The following ARHGEF28 variants were observed in gnomAD, a reference collection of about 807,000 sequenced individuals.
ARHGEF28 encodes the protein 190 kDa guanine nucleotide exchange factor.
Under a neutral mutation model 206.6 loss-of-function variants are expected in ARHGEF28, and 152 were observed. The ratio of observed to expected loss-of-function variants is 0.74; its 90% CI spans 0.64 to 0.84. The LOEUF is 0.84. Ranked by LOEUF, ARHGEF28 falls within the 40% of genes least tolerant of loss-of-function variation. The probability of loss-of-function intolerance (pLI) is 0.00; values close to 1 mark genes in which losing one functional copy is unlikely to be tolerated. For missense variants in ARHGEF28, 2,028 were observed against 2,073.2 expected (o/e 0.98, Z 0.42); for synonymous variants, 763 against 776.4 (o/e 0.98, Z 0.29).
At chr5:73,888,215 A>T (rs1031838522) in intron 26 of ARHGEF28, among the ~76,000 whole-genome samples, 4 of 152,244 alleles carry the variant, frequency 2.6e-5, no homozygotes, top group African/African-American at 9.6e-5. Flanking sequence ...TACCATCCTG[A>T]TGCCTAATGT....
intron 1 of ARHGEF28, among the ~76,000 whole-genome samples, chr5:73,670,654 G>T (rs1746247749): frequency 6.6e-6 from 1 of 152,128 alleles, no homozygotes. Context: ...TATAGCATTT[G>T]GTGATGGCAC....
chr5:73,700,866 T>C (rs1748556542), intron 2 of ARHGEF28, among the ~76,000 whole-genome samples: 1 of 152,220 alleles, frequency 6.6e-6, no homozygotes, highest in Non-Finnish European at 1.5e-5. Flanking sequence ...CATATTTTCG[T>C]AAGAAACTGA....
chr5:73,654,977 A>C (rs1745092018), intron 1 of ARHGEF28, among the ~76,000 whole-genome samples: 1 of 152,174 alleles, frequency 6.6e-6, no homozygotes, highest in South Asian at 2.1e-4. Flanking sequence ...GACAAAATGA[A>C]AGGTTGTTTG....
At chr5:73,927,358 A>G (rs760668444) in intron 35 of ARHGEF28, among the ~76,000 whole-genome samples, 1 of 152,106 alleles carries the variant, frequency 6.6e-6, no homozygotes, top group Non-Finnish European at 1.5e-5. Context: ...GTGACAAAAC[A>G]AGACTGTCTT....
intron 4 of ARHGEF28, among the ~76,000 whole-genome samples, chr5:73,761,575 C>A (rs1004542481): frequency 4.6e-5 from 7 of 152,134 alleles, no homozygotes; most frequent in African/African-American, 1.7e-4. Context: ...TGTCTTGACT[C>A]TCTCAAATAT....
chr5:73,813,895 A>G (rs1468567738), intron 9 of ARHGEF28, among the ~76,000 whole-genome samples: 1 of 147,454 alleles, frequency 6.8e-6, no homozygotes, highest in East Asian at 2.0e-4. Context: ...GTTATTATGT[A>G]TGTGCAATTC....
rs546401775 is a variant in ARHGEF28, at chr5:73,732,870, CA to C, written c.34-16962del. ...AGTAGGAAATGATTCTTTTGGTTTACAAAAATGTTCTCCCATTCTAGTTAAT... is the reference window on the plus strand; with the variant it reads ...AGTAGGAAATGATTCTTTTGGTTTACAAAATGTTCTCCCATTCTAGTTAAT... On this transcript the variant is annotated intron_variant, in intron 2 of 35. Transcript: ENST00000513042. Among the ~76,000 whole-genome samples the C allele has an allele frequency of 1.4e-3, 220 of 152,262 alleles. 4 individuals are homozygous for C. Among genetic ancestry groups the C allele is most frequent in the Middle Eastern group, 0.014 (4 of 294 alleles).
At chr5:73,680,941 G>A (rs1449634770) in intron 1 of ARHGEF28, among the ~76,000 whole-genome samples, 5 of 151,934 alleles carry the variant, frequency 3.3e-5, no homozygotes, top group African/African-American at 7.3e-5. Context: ...GGGCTCAAGC[G>A]ATCCACCTGC....
intron 35 of ARHGEF28, among the ~76,000 whole-genome samples, chr5:73,922,787 C>T (rs1325508700): frequency 6.6e-6 from 1 of 152,110 alleles, no homozygotes; most frequent in African/African-American, 2.4e-5. Flanking sequence ...GTTTTACTTC[C>T]AATGAGTAGT....
At chr5:73,874,625 G>C (rs1484090253) in intron 22 of ARHGEF28, among the ~76,000 whole-genome samples, 1 of 136,182 alleles carries the variant, frequency 7.3e-6, no homozygotes, top group Non-Finnish European at 1.5e-5. Flanking sequence ...GTGTCCATGT[G>C]TTCTTATTGT....
chr5:73,893,159 TGGTTTCA>T (rs1761749689), intron 27 of ARHGEF28, 31 bp from the exon 28 acceptor site: 2 of 1,470,970 alleles, frequency 1.4e-6, no homozygotes, highest in South Asian at 2.7e-5. Flanking sequence ...TACTTGCATT[TGGTTTCA>T]GTTGTGTCTC....
intron 1 of ARHGEF28, among the ~76,000 whole-genome samples, chr5:73,681,799 A>G (rs1191457546): frequency 1.3e-5 from 2 of 152,014 alleles, no homozygotes; most frequent in East Asian, 1.9e-4. Context: ...TGGGCAACAG[A>G]GCGAAACTCT....
chr5:73,818,350 G>T (rs146010597), intron 9 of ARHGEF28, among the ~76,000 whole-genome samples: 1 of 149,930 alleles, frequency 6.7e-6, no homozygotes, highest in African/African-American at 2.4e-5. Flanking sequence ...GATTTTTAAA[G>T]GTGAGATACT....
intron 14 of ARHGEF28, among the ~76,000 whole-genome samples, chr5:73,854,810 C>T (rs912288895): frequency 2.6e-5 from 4 of 151,486 alleles, no homozygotes; most frequent in Admixed American, 1.3e-4. Flanking sequence ...CTAGTCTGGG[C>T]GACAGAGCCA....
intron 14 of ARHGEF28, among the ~76,000 whole-genome samples, chr5:73,853,563 A>G (rs560639112): frequency 1.3e-5 from 2 of 152,304 alleles, no homozygotes; most frequent in East Asian, 3.9e-4. Context: ...TTTTGAAACC[A>G]GAATAGAAAC....
chr5:73,821,435 T>A (rs1756579336), intron 9 of ARHGEF28, among the ~76,000 whole-genome samples: 1 of 152,328 alleles, frequency 6.6e-6, no homozygotes. Context: ...GCTCTAGGGA[T>A]AGGCACTGGA....
At chr5:73,708,275 T>C (rs1326435909) in intron 2 of ARHGEF28, among the ~76,000 whole-genome samples, 1 of 152,120 alleles carries the variant, frequency 6.6e-6, no homozygotes, top group Non-Finnish European at 1.5e-5. Context: ...ATGCTGAAGT[T>C]TGGGGCACAA....
rs768861430 is a variant in ARHGEF28 at position 73,795,370 on chromosome 5, G to T, written c.1003G>T (p.Asp335Tyr). 20 of 1,613,780 alleles carry T rather than the reference G, an allele frequency of 1.2e-5. No homozygotes were observed. Among genetic ancestry groups the T allele is most frequent in the Non-Finnish European group, 1.7e-5 (20 of 1,179,750 alleles). The change falls in exon 9 of 36, where the codon GAC becomes TAC. Residue 335 changes from aspartate to tyrosine, a missense_variant. Physicochemically the swap from Asp to Tyr is radical, Grantham distance 160. Around this residue, in one of 3 missense-constraint regions of ARHGEF28, gnomAD observed 1,002 missense variants for 1,015.3 expected, o/e 0.99. Transcript: ENST00000513042. ...GGTGGTTCAACACAATGAACATGAA[G>T]ACCAGCACAGCCTAGATTTGGGTAT... ...SLVVQHNEHE[D>Y]QHSLDLDRSF...
At chr5:73,860,206 G>A (rs1282610851) in intron 16 of ARHGEF28, among the ~76,000 whole-genome samples, 6 of 152,096 alleles carry the variant, frequency 3.9e-5, no homozygotes, top group Non-Finnish European at 7.3e-5. Context: ...TCTAAGTATA[G>A]TCATCCAATC....
Sources: gnomAD v4.1 joint callset for allele counts (sites outside exome capture counted in the v4.1 genomes callset) on GRCh38, gnomAD v4.1.1 for gene constraint, gnomAD v4.1.1 regional missense constraint, MANE v1.5 for transcripts, NCBI Gene and HGNC (gene_info 2026-07-23, HGNC 2026-07-21) for gene names.